HIP1R: variants seen among roughly 807,000 people sequenced by gnomAD.
The protein encoded by HIP1R is huntingtin interacting protein 1 related, also known as huntingtin-interacting protein 1-related protein.
Under a neutral mutation model 144.2 loss-of-function variants are expected in HIP1R, and 135 were observed. The ratio of observed to expected loss-of-function variants is 0.94; its 90% CI spans 0.81 to 1.08. The LOEUF is 1.08. Among genes scored for constraint, HIP1R ranks in the 50% least tolerant of loss-of-function variants. HIP1R has a pLI of 0.00. For missense variants in HIP1R, 1,462 were observed against 1,432.8 expected (o/e 1.02, Z -0.33); for synonymous variants, 698 against 612.8 (o/e 1.14, Z -2.05).
rs1240817259 is a variant in HIP1R at position 122,858,950 on chromosome 12, G to A, written c.2158+5G>A. On this transcript the variant is annotated splice_donor_5th_base_variant and intron_variant, in intron 21 of 31. Transcript: ENST00000253083. Reference sequence around the variant, plus strand: ...CTCCCACCGACCCTGCCGACCGTAAGTGGGTCCTGGGATGGCAGGTTCTGT... The same window carrying A: ...CTCCCACCGACCCTGCCGACCGTAAATGGGTCCTGGGATGGCAGGTTCTGT... 8.1e-6 allele frequency: 13 copies of A among 1,612,732 alleles called. No individual in the cohort carries two copies. The highest frequency in any genetic ancestry group is 1.1e-5 in the Non-Finnish European group (13 of 1,179,706).
intron 1 of HIP1R, among the ~76,000 whole-genome samples, chr12:122,847,615 C>T (rs1034087209): frequency 2.0e-5 from 3 of 152,206 alleles, no homozygotes; most frequent in African/African-American, 7.2e-5. Flanking sequence ...TGGGGTGCCG[C>T]AAAGGCCAGG....
In HIP1R at chr12:122,861,786, C is replaced by G; in HGVS notation, c.*33C>G. 1 of 1,608,252 alleles carries G rather than the reference C, an allele frequency of 6.2e-7. No homozygotes were observed. Among genetic ancestry groups the G allele is most frequent in the Non-Finnish European group, 8.5e-7 (1 of 1,175,252 alleles). ...AGGGGTCCAGCAGGGTGGCTGGTGA[C>G]AGGCCTGGGCCTCTGCAACTGCCCT... On this transcript the variant is annotated 3_prime_UTR_variant, in exon 32 of 32. Transcript: ENST00000253083.
chr12:122,851,961 C>T (rs983491727), intron 7 of HIP1R, among the ~76,000 whole-genome samples: 20 of 152,218 alleles, frequency 1.3e-4, no homozygotes, highest in Non-Finnish European at 2.6e-4. Context: ...TTTGGGTCGT[C>T]CTGCCATTTT....
In HIP1R at chr12:122,859,506, A is replaced by G; in HGVS notation, c.2376A>G (p.Ala792=). 1 of 1,613,300 alleles carries G rather than the reference A, an allele frequency of 6.2e-7. No individual in the cohort carries two copies. Among genetic ancestry groups the G allele is most frequent in the Non-Finnish European group, 8.5e-7 (1 of 1,179,754 alleles). ...ACAAGGAGATGGCGGCCACATCCGC[A>G]GCCATTGAAGATGCTGTGCGGAGGA... ...VVDKEMAATS[A]AIEDAVRRIE... Residue 792 remains alanine, a synonymous_variant, in exon 23 of 32, where the codon GCA becomes GCG. Coordinates refer to ENST00000253083, the MANE Select transcript of HIP1R (RefSeq NM_003959.3).
Position 122,848,107 on chromosome 12 carries a change from G to A in HIP1R, c.157+13G>A, listed in dbSNP as rs371860720. On this transcript the variant is annotated intron_variant, in intron 2 of 31. Coordinates refer to ENST00000253083, the MANE Select transcript of HIP1R (RefSeq NM_003959.3). ...AAGCACGCCCGGCGTATCCTTGGCC[G>A]GCTCTTGGACCCAGGAGTTGGGTGT... The A allele has an allele frequency of 1.2e-6, 2 of 1,613,014 alleles. No homozygotes were observed. Among genetic ancestry groups the A allele is most frequent in the Non-Finnish European group, 1.7e-6 (2 of 1,179,686 alleles).
chr12:122,843,999 A>G lies in HIP1R; in HGVS notation c.94-4032A>G, dbSNP rs565876943. On this transcript the variant is annotated intron_variant, in intron 1 of 31. Coordinates refer to ENST00000253083, the MANE Select transcript of HIP1R (RefSeq NM_003959.3). ...ACTGGGATTACAGGCACACACCACC[A>G]TGCCCGGCTAATTTTTGTATTTTTA... is the stretch of plus-strand genomic sequence containing the variant. Among the ~76,000 whole-genome samples the G allele has an allele frequency of 1.8e-4, 28 of 152,194 alleles. 1 individual carries two copies. The highest frequency in any genetic ancestry group is 6.7e-4 in the African/African-American group (28 of 41,520).
In HIP1R at chr12:122,836,070, G is replaced by A. The variant is rs1465988739; in HGVS notation, c.93+427G>A. Among the ~76,000 whole-genome samples the A allele has an allele frequency of 6.6e-6, 1 of 152,072 alleles. No individual in the cohort carries two copies. Among genetic ancestry groups the A allele is most frequent in the African/African-American group, 2.4e-5 (1 of 41,442 alleles). On this transcript the variant is annotated intron_variant, in intron 1 of 31. Transcript: ENST00000253083. This position sits in a 1 kb window ranked among gnomAD's most constrained non-coding sequence, Gnocchi z 4.1. ...GGTGCTCCCGGGGCCGGCGCGGCCCGACTGGGGTCCCCGACCTTCCGTGCC... is the reference window on the plus strand; with the variant it reads ...GGTGCTCCCGGGGCCGGCGCGGCCCAACTGGGGTCCCCGACCTTCCGTGCC...
At chr12:122,834,882 C>G, upstream of HIP1R, 1 of 1,094,918 alleles carries the variant, frequency 9.1e-7, no homozygotes, top group Admixed American at 2.3e-5. Context: ...CATTGTGTGC[C>G]TTTTGACACA....
rs1286256339 is a variant in HIP1R at position 122,835,650 on chromosome 12, GGGCGGCGGGCGGCGGGCGGCGGGC to G, written c.93+20_93+43del. On this transcript the variant is annotated splice_region_variant and intron_variant, in intron 1 of 31. Coordinates refer to ENST00000253083, the MANE Select transcript of HIP1R (RefSeq NM_003959.3). ...GCAGTTCGACAAGACCCAGGCGAGC[GGGCGGCGGGCGGCGGGCGGCGGGC>G]GGCGGCGGGCGGGCGGGCAAGCGGC... 25 of 920,202 alleles carry G rather than the reference GGGCGGCGGGCGGCGGGCGGCGGGC, an allele frequency of 2.7e-5. No homozygotes were observed. Among genetic ancestry groups the G allele is most frequent in the East Asian group, 1.5e-4 (2 of 12,972 alleles). The allele number at this position is 920,202 out of a possible 1,614,324, so 57.0% of individuals were successfully genotyped here.
rs151057125 is a variant in HIP1R at position 122,856,085 on chromosome 12, C to T, written c.1234C>T (p.Leu412Phe). ...GAAGGCCCTGGTGGATAATGAGCAG[C>T]TCCGCCACGAGCTGGCCCAGCTGAG... ...KQKALVDNEQ[L>F]RHELAQLRAA... Residue 412 changes from leucine (L) to phenylalanine (F), a missense_variant, in exon 14 of 32, where the codon CTC becomes TTC. Transcript: ENST00000253083. The T allele has an allele frequency of 1.1e-5, 18 of 1,585,662 alleles. No individual in the cohort carries two copies. The highest frequency in any genetic ancestry group is 9.1e-5 in the South Asian group (8 of 87,512).
At chr12:122,858,654 G>A (rs1002994898) in intron 20 of HIP1R, among the ~76,000 whole-genome samples, 184 bp from the exon 21 acceptor site, 106 of 152,334 alleles carry the variant, frequency 7.0e-4, no homozygotes, top group Non-Finnish European at 1.6e-4. Context: ...GCAGGTGGCA[G>A]AGCACTGAAG....
Position 122,855,591 on chromosome 12 carries a change from A to T in HIP1R, c.1034A>T (p.Asn345Ile), listed in dbSNP as rs149504879. ...TTCGATCAGACGTTTGGACCCCCCA[A>T]TGGGTCTGTGAAGGACGACAGGTGA... ...DLFDQTFGPP[N>I]GSVKDDRDLQ... The change falls in exon 12 of 32, where the codon AAT (asparagine) becomes ATT (isoleucine). Residue 345 changes from asparagine (N) to isoleucine (I), a missense_variant. Coordinates refer to ENST00000253083, the MANE Select transcript of HIP1R (RefSeq NM_003959.3). 6.5e-7 allele frequency: 1 copy of T among 1,549,794 alleles called. No homozygotes were observed. Among genetic ancestry groups the T allele is most frequent in the South Asian group, 1.2e-5 (1 of 83,988 alleles).
At chr12:122,837,160 T>C (rs1314486947) in intron 1 of HIP1R, among the ~76,000 whole-genome samples, 1 of 152,200 alleles carries the variant, frequency 6.6e-6, no homozygotes, top group Non-Finnish European at 1.5e-5. Context: ...TAAAGAGGTC[T>C]GATTGCTACA....
chr12:122,859,314 G>A (rs2033690403), intron 22 of HIP1R, 112 bp from the exon 23 acceptor site: 1 of 1,474,476 alleles, frequency 6.8e-7, no homozygotes, highest in Admixed American at 1.8e-5. Flanking sequence ...CAGGACACAG[G>A]GTGGGGACCA....
chr12:122,850,224 C>G, intron 5 of HIP1R: 1 of 608,776 alleles, frequency 1.6e-6, no homozygotes, highest in Admixed American at 2.1e-5. Flanking sequence ...TCAGTCTCTG[C>G]TGTGCTGGCC....
At chr12:122,858,288 C>T in intron 19 of HIP1R, 39 bp downstream of exon 19, 1 of 1,579,498 alleles carries the variant, frequency 6.3e-7, no homozygotes, top group Non-Finnish European at 8.6e-7. Flanking sequence ...CCCCTGCCTC[C>T]TTCCCATCCC....
chr12:122,854,340 GAA>G (rs5801492), intron 8 of HIP1R, among the ~76,000 whole-genome samples, 157 bp downstream of exon 8: 8,470 of 128,566 alleles, frequency 0.066, 277 homozygotes, highest in African/African-American at 0.094. Context: ...TATATTTTAT[GAA>G]AAAAAAAAAA....
intron 27 of HIP1R, 41 bp from the exon 28 acceptor site, chr12:122,860,638 G>A: frequency 6.3e-7 from 1 of 1,578,686 alleles, no homozygotes; most frequent in Non-Finnish European, 8.7e-7. Context: ...AGCCGTCCGT[G>A]GGGTCAGAGA....
intron 1 of HIP1R, among the ~76,000 whole-genome samples, chr12:122,841,514 T>G (rs989291854): frequency 6.6e-6 from 1 of 152,196 alleles, no homozygotes; most frequent in Non-Finnish European, 1.5e-5. Context: ...GCTGTCTTCT[T>G]GGTGAGGTCT....
Sources: gnomAD v4.1 joint callset for allele counts (sites outside exome capture counted in the v4.1 genomes callset) on GRCh38, gnomAD v4.1.1 for gene constraint, Gnocchi (gnomAD v3.1) non-coding constraint, MANE v1.5 for transcripts, NCBI Gene and HGNC (gene_info 2026-07-23, HGNC 2026-07-21) for gene names.